The following TTLL13 variants were observed in gnomAD, a reference collection of about 807,000 sequenced individuals.
The protein encoded by TTLL13 is tubulin tyrosine ligase like 13.
chr15:90,262,202 C>T, the TTLL13 span: 21 of 1,522,552 alleles, frequency 1.4e-5, no homozygotes, highest in Admixed American at 8.1e-5. Context: ...GTACTTTGAC[C>T]GACATTCTCC....
the TTLL13 span, among the ~76,000 whole-genome samples, chr15:90,261,467 T>C: frequency 6.6e-6 from 1 of 151,832 alleles, no homozygotes; most frequent in Non-Finnish European, 1.5e-5. Context: ...GATAATGGAC[T>C]GCTAGCTTAC....
the TTLL13 span, chr15:90,255,702 T>G: frequency 1.2e-6 from 2 of 1,612,890 alleles, no homozygotes; most frequent in Non-Finnish European, 1.7e-6. Flanking sequence ...GATGCCCAGG[T>G]GCTAGGAAAT....
chr15:90,261,446 TA>T, the TTLL13 span, among the ~76,000 whole-genome samples: 1 of 150,066 alleles, frequency 6.7e-6, no homozygotes, highest in African/African-American at 2.5e-5. Flanking sequence ...ATCAGAAACC[TA>T]AAAAACTATG....
chr15:90,252,507 C>T, the TTLL13 span, among the ~76,000 whole-genome samples: 2 of 152,160 alleles, frequency 1.3e-5, no homozygotes, highest in Admixed American at 6.5e-5. Context: ...AGAGATGAGA[C>T]AAGCTTAAAA....
the TTLL13 span, among the ~76,000 whole-genome samples, chr15:90,251,824 GA>G: frequency 1.2e-3 from 152 of 130,586 alleles, no homozygotes; most frequent in Admixed American, 3.6e-3. Context: ...CAGTAAACAA[GA>G]AAAAAAAAAA....
chr15:90,256,238 C>T, the TTLL13 span: 33 of 1,614,130 alleles, frequency 2.0e-5, no homozygotes, highest in South Asian at 5.5e-5. Context: ...CTTCATTACC[C>T]GAAATCCCCG....
the TTLL13 span, chr15:90,262,665 A>G: frequency 6.7e-7 from 1 of 1,484,992 alleles, no homozygotes; most frequent in South Asian, 1.3e-5. Context: ...AACTGGGAGA[A>G]AGAGGTGCCA....
At chr15:90,258,665 C>T in the TTLL13 span, 6 of 1,247,212 alleles carry the variant, frequency 4.8e-6, no homozygotes. Context: ...ATCTTAGACC[C>T]TCTAGTTAAT....
At chr15:90,258,157 A>G in the TTLL13 span, 4 of 1,614,210 alleles carry the variant, frequency 2.5e-6, no homozygotes, top group Non-Finnish European at 3.4e-6. Flanking sequence ...GTTCTACGCC[A>G]CAACTACCGA....
chr15:90,251,598 A>T, the TTLL13 span: 1 of 1,613,864 alleles, frequency 6.2e-7, no homozygotes, highest in Non-Finnish European at 8.5e-7. Context: ...GAGAGTGGTA[A>T]GCACCCAGCC....
chr15:90,250,797 T>C, the TTLL13 span: 5 of 1,614,130 alleles, frequency 3.1e-6, no homozygotes, highest in Non-Finnish European at 4.2e-6. Flanking sequence ...CCCTCACCCA[T>C]TATGGCCACA....
At chr15:90,257,723 G>T in the TTLL13 span, 1 of 1,613,768 alleles carries the variant, frequency 6.2e-7, no homozygotes, top group Non-Finnish European at 8.5e-7. Flanking sequence ...GCAGTAAGAG[G>T]TACTCCCTAC....
At chr15:90,263,736 C>G in the TTLL13 span, 4 of 682,186 alleles carry the variant, frequency 5.9e-6, no homozygotes, top group South Asian at 1.5e-5. Context: ...CTCTTCTCCT[C>G]TAGCCTAGAT....
At chr15:90,264,599 AC>A in the TTLL13 span, 1 of 1,145,626 alleles carries the variant, frequency 8.7e-7, no homozygotes. Context: ...TGTGGGAAAG[AC>A]AGTGGAGGGA....
chr15:90,261,251 G>A, the TTLL13 span, among the ~76,000 whole-genome samples: 1 of 151,338 alleles, frequency 6.6e-6, no homozygotes, highest in African/African-American at 2.4e-5. Context: ...GATAATTTTT[G>A]TATTTTTAGT....
At chr15:90,255,771 C>G in the TTLL13 span, 13 of 1,614,058 alleles carry the variant, frequency 8.1e-6, no homozygotes, top group Non-Finnish European at 1.1e-5. Context: ...AACCACTTCC[C>G]TGGCATGACA....
chr15:90,264,917 C>T, the TTLL13 span: 3 of 1,536,088 alleles, frequency 2.0e-6, no homozygotes, highest in Non-Finnish European at 2.6e-6. Context: ...TGCGTCTGCA[C>T]CCATGCTGCA....
At chr15:90,258,716 G>C in the TTLL13 span, 1 of 1,599,534 alleles carries the variant, frequency 6.3e-7, no homozygotes, top group Non-Finnish European at 8.6e-7. Flanking sequence ...GTCTGGGAAA[G>C]GGGTGTATAA....
the TTLL13 span, chr15:90,263,730 TCTC>T: frequency 1.5e-6 from 1 of 672,556 alleles, no homozygotes; most frequent in Non-Finnish European, 2.7e-6. Context: ...GGGCTGCTCT[TCTC>T]CTCTAGCCTA....
Sources: allele counts gnomAD v4.1 joint callset (sites outside exome capture counted in the v4.1 genomes callset), GRCh38; gene constraint gnomAD v4.1.1; transcripts MANE v1.5; gene names NCBI Gene and HGNC (gene_info 2026-07-23, HGNC 2026-07-21).